The following TSHZ3 variants were observed in gnomAD, a reference collection of about 807,000 sequenced individuals.
TSHZ3 encodes the protein teashirt zinc finger homeobox 3.
Under a neutral mutation model 64.5 loss-of-function variants are expected in TSHZ3, and 10 were observed. The observed-to-expected ratio is 0.16, with a 90% CI of 0.10 to 0.26. TSHZ3 has a LOEUF of 0.26. Among genes scored for constraint, TSHZ3 ranks in the 10% least tolerant of loss-of-function variants. The pLI is 1.00. For synonymous variants in TSHZ3, 608 were observed against 593.1 expected (o/e 1.03, Z -0.36); for missense variants, 1,242 against 1,421.7 (o/e 0.87, Z 2.03).
chr19:31,350,087 A>C (rs1249876738), upstream of TSHZ3, among the ~76,000 whole-genome samples: 5 of 13,680 alleles, frequency 3.7e-4, no homozygotes, highest in South Asian at 1.8e-3. Context: ...GCCACCCCCC[A>C]GCTGCCCCAC....
intron 5 of TSHZ3, among the ~76,000 whole-genome samples, chr19:31,179,737 G>GTGGTGGTGGTGA (rs759241123): frequency 6.7e-6 from 1 of 150,162 alleles, no homozygotes; most frequent in African/African-American, 2.5e-5. Flanking sequence ...GTAGGTGGTG[G>GTGGTGGTGGTGA]TGGTGGTGGT....
chr19:31,306,496 T>C (rs1000199602), intron 1 of TSHZ3, among the ~76,000 whole-genome samples: 1 of 152,184 alleles, frequency 6.6e-6, no homozygotes, highest in Non-Finnish European at 1.5e-5. Context: ...TCATTGGCTC[T>C]TTTATCTTGA....
At chr19:31,314,479 A>C (rs1346493227) in intron 1 of TSHZ3, among the ~76,000 whole-genome samples, 1 of 152,118 alleles carries the variant, frequency 6.6e-6, no homozygotes, top group African/African-American at 2.4e-5. Flanking sequence ...CTTCTGCCCA[A>C]CCTTCTCAGG....
At chr19:31,186,282 T>G (rs1974808615) in intron 5 of TSHZ3, among the ~76,000 whole-genome samples, 1 of 152,176 alleles carries the variant, frequency 6.6e-6, no homozygotes, top group Non-Finnish European at 1.5e-5. Context: ...AATCTCATCA[T>G]GAGTTGTAGT....
At chr19:31,336,872 G>T (rs975828888) in intron 1 of TSHZ3, among the ~76,000 whole-genome samples, 1 of 152,122 alleles carries the variant, frequency 6.6e-6, no homozygotes, top group Admixed American at 6.6e-5. Context: ...CTCCAGCATC[G>T]TCTTTGAATG....
At chr19:31,268,569 A>T (rs1440272253) in intron 1 of TSHZ3, among the ~76,000 whole-genome samples, 1 of 152,180 alleles carries the variant, frequency 6.6e-6, no homozygotes, top group African/African-American at 2.4e-5. Context: ...CAGGCCACTG[A>T]TCCCCCAATC....
At chr19:31,174,690 A>C (rs1974583613) in intron 5 of TSHZ3, among the ~76,000 whole-genome samples, 1 of 152,202 alleles carries the variant, frequency 6.6e-6, no homozygotes, top group Non-Finnish European at 1.5e-5. Flanking sequence ...ATACTGAATA[A>C]ATGAAAACTT....
intron 1 of TSHZ3, among the ~76,000 whole-genome samples, chr19:31,307,503 G>A (rs1177588114): frequency 1.3e-5 from 2 of 151,354 alleles, no homozygotes; most frequent in African/African-American, 2.5e-5. Context: ...CACGCGGCAC[G>A]GGGCTGGTGT....
chr19:31,209,207 A>C (rs1975227554), intron 4 of TSHZ3, among the ~76,000 whole-genome samples: 2 of 152,360 alleles, frequency 1.3e-5, no homozygotes, highest in Middle Eastern at 3.4e-3. Flanking sequence ...GGGAAAAAAA[A>C]GAATGCTAAC....
At chr19:31,193,217 G>T (rs983150599) in intron 5 of TSHZ3, among the ~76,000 whole-genome samples, 5 of 152,100 alleles carry the variant, frequency 3.3e-5, no homozygotes, top group East Asian at 3.9e-4. Context: ...CATATGACGC[G>T]ACATATCTGG....
intron 5 of TSHZ3, among the ~76,000 whole-genome samples, chr19:31,186,838 C>T (rs1250516859): frequency 1.3e-5 from 2 of 152,048 alleles, no homozygotes; most frequent in Non-Finnish European, 2.9e-5. Flanking sequence ...TTTTATATGT[C>T]ATTCAAATAT....
intron 1 of TSHZ3, among the ~76,000 whole-genome samples, chr19:31,300,691 G>T (rs1976740976): frequency 6.6e-6 from 1 of 152,020 alleles, no homozygotes; most frequent in African/African-American, 2.4e-5. Context: ...CTGGGGTCAG[G>T]GCTGCTAAGT....
chr19:31,272,627 G>A (rs960812910), downstream of TSHZ3, among the ~76,000 whole-genome samples: 3 of 152,110 alleles, frequency 2.0e-5, no homozygotes, highest in Non-Finnish European at 2.9e-5. Context: ...TGACTGCAGC[G>A]AATTGCTAAG....
In TSHZ3 at chr19:31,174,154, G is replaced by C. The variant is rs892701770; in HGVS notation, n.810-17737C>G. On this transcript the variant is annotated intron_variant and non_coding_transcript_variant, in intron 5 of 6. Transcript: ENST00000651361. ...TCCCCAGACATGCAGTCAGCAAAGG[G>C]GAAGACCCGGGAGAGCCCATGGGGT... is the stretch of plus-strand genomic sequence containing the variant. 1.6e-4 allele frequency among the ~76,000 whole-genome samples: 24 copies of C among 152,328 alleles called. 1 individual carries two copies. The South Asian group carries it at 1.9e-3, about 12-fold the overall frequency.
At chr19:31,333,293 C>T (rs955347440) in intron 1 of TSHZ3, among the ~76,000 whole-genome samples, 8 of 152,090 alleles carry the variant, frequency 5.3e-5, no homozygotes, top group African/African-American at 1.9e-4. Flanking sequence ...ACTACTCCAA[C>T]TCAGGAGGTT....
At chr19:31,186,348 G>A (rs978567780) in intron 5 of TSHZ3, among the ~76,000 whole-genome samples, 8 of 152,118 alleles carry the variant, frequency 5.3e-5, no homozygotes, top group Non-Finnish European at 1.2e-4. Flanking sequence ...TAGAATCATG[G>A]GGGGCGGTTA....
At chr19:31,284,545 T>C (rs924111843) in intron 1 of TSHZ3, among the ~76,000 whole-genome samples, 1 of 152,138 alleles carries the variant, frequency 6.6e-6, no homozygotes, top group African/African-American at 2.4e-5. Context: ...CCCTCTCAGC[T>C]TCTGAGATGC....
intron 1 of TSHZ3, among the ~76,000 whole-genome samples, chr19:31,338,614 T>A (rs1462089197): frequency 6.7e-6 from 1 of 149,968 alleles, no homozygotes; most frequent in African/African-American, 2.5e-5. Context: ...ACACGGAGTT[T>A]AAAAAAAATC....
intron 1 of TSHZ3, among the ~76,000 whole-genome samples, chr19:31,314,674 G>A (rs915289561): frequency 3.3e-5 from 5 of 152,196 alleles, no homozygotes; most frequent in South Asian, 4.1e-4. Context: ...CTCAAGATGC[G>A]TTAGATTACA....
Sources: allele counts gnomAD v4.1 joint callset (sites outside exome capture counted in the v4.1 genomes callset), GRCh38; gene constraint gnomAD v4.1.1; transcripts MANE v1.5; gene names NCBI Gene and HGNC (gene_info 2026-07-23, HGNC 2026-07-21).